CD69: variants seen among roughly 807,000 people sequenced by gnomAD.
The protein encoded by CD69 is early activation antigen CD69.
Under a neutral mutation model 21.4 loss-of-function variants are expected in CD69, and 10 were observed. The observed-to-expected ratio is 0.47, with a 90% CI of 0.29 to 0.79. CD69 has a LOEUF of 0.79. Ranked by LOEUF, CD69 falls within the 30% of genes least tolerant of loss-of-function variation. CD69 has a pLI of 0.09. For missense variants in CD69, 204 were observed against 236.9 expected, an observed-to-expected ratio of 0.86 and a Z score of 0.91; for synonymous variants, 63 against 78.2, an observed-to-expected ratio of 0.81 and a Z score of 1.03.
intron 1 of CD69, among the ~76,000 whole-genome samples, chr12:9,758,579 C>T (rs893911939): frequency 6.6e-6 from 1 of 152,260 alleles, no homozygotes; most frequent in East Asian, 1.9e-4. Flanking sequence ...CATCACAGAT[C>T]GGCACTCAGA....
rs574115251 is a variant in CD69, at chr12:9,757,630, A to G, written c.65-1211T>C. 3.8e-4 allele frequency among the ~76,000 whole-genome samples: 58 copies of G among 152,338 alleles called. No individual in the cohort carries two copies. The South Asian group carries it at 9.1e-3, about 24-fold the overall frequency. On this transcript the variant is annotated intron_variant, in intron 1 of 4. Coordinates refer to ENST00000228434, the MANE Select transcript of CD69 (RefSeq NM_001781.2). ...CAAAATGAAGGAATCTCCAAAAAAA[A>G]TGTTGAGTGAAAAAAAATCCAGCCA...
chr12:9,760,773 C>A lies in CD69; in HGVS notation c.48G>T (p.Pro16=), dbSNP rs763536808. Residue 16 remains proline (P), a synonymous_variant, in exon 1 of 5, where the codon CCG becomes CCT. Transcript: ENST00000228434. ...CTGACTTACTTTCTTGTCCACTCTCCGGATGCAAAGAGCTGTTCTCTGCTA... is the reference window on the plus strand; with the variant it reads ...CTGACTTACTTTCTTGTCCACTCTCAGGATGCAAAGAGCTGTTCTCTGCTA... ...CFVAENSSLH[P]ESGQENDATS... 1.9e-6 allele frequency: 3 copies of A among 1,612,538 alleles called. No individual in the cohort carries two copies. The highest frequency in any genetic ancestry group is 2.5e-6 in the Non-Finnish European group (3 of 1,179,464).
At chr12:9,757,440 C>CAA (rs1866688581) in intron 1 of CD69, among the ~76,000 whole-genome samples, 1 of 152,146 alleles carries the variant, frequency 6.6e-6, no homozygotes, top group African/African-American at 2.4e-5. Flanking sequence ...AATATGTTCT[C>CAA]AAAATGCCTT....
intron 3 of CD69, 169 bp from the exon 4 acceptor site, chr12:9,754,859 A>G (rs1413504080): frequency 5.9e-6 from 4 of 674,892 alleles, no homozygotes; most frequent in Non-Finnish European, 1.0e-5. Context: ...AAGCTAAGCA[A>G]TCAAATCAAA....
At chr12:9,759,120 G>A (rs1866709533) in intron 1 of CD69, among the ~76,000 whole-genome samples, 2 of 152,028 alleles carry the variant, frequency 1.3e-5, no homozygotes, top group Admixed American at 6.6e-5. Context: ...TAGTACAGAC[G>A]GGGTTTCATC....
In CD69 at chr12:9,753,629, A is replaced by T. The variant is rs145916310; in HGVS notation, c.492-40T>A. The T allele has an allele frequency of 5.2e-4, 489 of 943,066 alleles. 5 individuals are homozygous for T. Among genetic ancestry groups the T allele is most frequent in the African/African-American group, 4.4e-3 (264 of 60,324 alleles). The allele number at this position is 943,066 out of a possible 1,614,324, so 58.4% of individuals were successfully genotyped here. ...AAAAACTTAGAATTATTTTCAGCTCATTGTTTTCATTCAGTTACATGAGAA... is the reference window on the plus strand; with the variant it reads ...AAAAACTTAGAATTATTTTCAGCTCTTTGTTTTCATTCAGTTACATGAGAA... On this transcript the variant is annotated intron_variant, in intron 4 of 4. Coordinates refer to ENST00000228434, the MANE Select transcript of CD69 (RefSeq NM_001781.2).
At chr12:9,754,961 G>T in intron 3 of CD69, 101 bp downstream of exon 3, 1 of 947,458 alleles carries the variant, frequency 1.1e-6, no homozygotes, top group Non-Finnish European at 1.6e-6. Flanking sequence ...TAGGTACAAT[G>T]TTTGTTTGTT....
In CD69 at chr12:9,760,821, C is replaced by T; in HGVS notation, c.-1G>A. ...CTACGAAACAATTTTCAGAGCTCAT[C>T]TTTATTCTCAAGATTCCCTAGTTAA... On this transcript the variant is annotated 5_prime_UTR_variant, in exon 1 of 5. Transcript: ENST00000228434. The T allele has an allele frequency of 6.2e-7, 1 of 1,610,758 alleles. No individual in the cohort carries two copies. Among genetic ancestry groups the T allele is most frequent in the South Asian group, 1.1e-5 (1 of 91,058 alleles).
intron 1 of CD69, among the ~76,000 whole-genome samples, chr12:9,760,285 CA>C (rs1866721397): frequency 6.6e-6 from 1 of 151,930 alleles, no homozygotes; most frequent in African/African-American, 2.4e-5. Flanking sequence ...CAAAGGAAGG[CA>C]AACAATGTAA....
intron 1 of CD69, among the ~76,000 whole-genome samples, chr12:9,756,660 A>C (rs1303067565): frequency 6.6e-6 from 1 of 152,182 alleles, no homozygotes; most frequent in Non-Finnish European, 1.5e-5. Context: ...GTGTCTCCCC[A>C]AAATATTTAC....
intron 1 of CD69, among the ~76,000 whole-genome samples, chr12:9,759,544 G>A (rs1267565039): frequency 6.6e-6 from 1 of 151,136 alleles, no homozygotes; most frequent in Non-Finnish European, 1.5e-5. Flanking sequence ...CGTAAGTAAT[G>A]GCTCGCCTGA....
chr12:9,753,978 T>C (rs1866652925), intron 4 of CD69, among the ~76,000 whole-genome samples: 1 of 152,210 alleles, frequency 6.6e-6, no homozygotes, highest in Non-Finnish European at 1.5e-5. Flanking sequence ...TATGGAGCCA[T>C]AGGACAAATA....
chr12:9,758,805 G>A (rs1866703134), intron 1 of CD69, among the ~76,000 whole-genome samples: 1 of 152,188 alleles, frequency 6.6e-6, no homozygotes, highest in Admixed American at 6.5e-5. Flanking sequence ...TCTCCTCAGT[G>A]AGCACTAACA....
At position 9,758,214 on chromosome 12, in the gene CD69, C is replaced by T. The variant is rs181195595; in HGVS notation, c.65-1795G>A. Among the ~76,000 whole-genome samples, 217 of 152,208 alleles carry T rather than the reference C, an allele frequency of 1.4e-3. 1 individual carries two copies. The highest frequency in any genetic ancestry group is 4.9e-4 in the Non-Finnish European group (33 of 67,992). On this transcript the variant is annotated intron_variant, in intron 1 of 4. Coordinates refer to ENST00000228434, the MANE Select transcript of CD69 (RefSeq NM_001781.2). Reference sequence around the variant, plus strand: ...GGAAGGAGAAAAGAGAATTTTGCGACTTAGATTTTGGATTTTAATTTTGCA... The same window carrying T: ...GGAAGGAGAAAAGAGAATTTTGCGATTTAGATTTTGGATTTTAATTTTGCA...
Position 9,755,257 on chromosome 12 carries a change from G to A in CD69, c.192C>T (p.Gly64=). 1 of 1,613,134 alleles carries A rather than the reference G, an allele frequency of 6.2e-7. No homozygotes were observed. Among genetic ancestry groups the A allele is most frequent in the Admixed American group, 1.7e-5 (1 of 60,014 alleles). The change falls in exon 3 of 5, where the codon GGC becomes GGT. Residue 64 remains glycine (G), a synonymous_variant. Coordinates refer to ENST00000228434, the MANE Select transcript of CD69 (RefSeq NM_001781.2). ...TGTATTGGCCTGGACAATTGTATTG[G>A]CCCACTGTGAACAGAAAAATGCTTT... ...LIIALIALSV[G]QYNCPGQYTF...
rs750829148 is a variant in CD69, at chr12:9,760,100, T to C, written c.64+657A>G. The stretch of plus-strand genomic sequence containing the variant: ...AAGAATACCAAAGCAGGAGATTGCA[T>C]TTTCGGGAATTCTTTTGTGACTTTT... On this transcript the variant is annotated intron_variant, in intron 1 of 4. Transcript: ENST00000228434. Among the ~76,000 whole-genome samples the C allele has an allele frequency of 2.6e-5, 4 of 152,114 alleles. No individual in the cohort carries two copies. The East Asian group carries it at 7.7e-4, about 29-fold the overall frequency.
In CD69 at chr12:9,753,609, CTT is replaced by C. The variant is rs1427403728; in HGVS notation, c.492-22_492-21del. 1 of 1,184,894 alleles carries C rather than the reference CTT, an allele frequency of 8.4e-7. No individual in the cohort carries two copies. The highest frequency in any genetic ancestry group is 1.3e-5 in the South Asian group (1 of 75,796). 73.4% of individuals were successfully genotyped at this position (1,184,894 alleles called of 1,614,324 possible). On this transcript the variant is annotated intron_variant, in intron 4 of 4. Coordinates refer to ENST00000228434, the MANE Select transcript of CD69 (RefSeq NM_001781.2). The stretch of plus-strand genomic sequence containing the variant: ...TTGAACCTGTCAAACAATAAAAAAA[CTT>C]AGAATTATTTTCAGCTCATTGTTTT...
intron 1 of CD69, 121 bp from the exon 2 acceptor site, chr12:9,756,540 G>A (rs143817250): frequency 3.8e-4 from 301 of 796,086 alleles, no homozygotes; most frequent in African/African-American, 3.0e-3. Context: ...AAATTTCCCC[G>A]TCTCTTTATA....
chr12:9,756,256 A>G lies in CD69; in HGVS notation c.187+41T>C, dbSNP rs755610590. On this transcript the variant is annotated intron_variant, in intron 2 of 4. Coordinates refer to ENST00000228434, the MANE Select transcript of CD69 (RefSeq NM_001781.2). Reference sequence around the variant, plus strand: ...ATTTCAGCTGGGCATGAATGCTTACAGCTAGGAGGCTTTGAAAGAATTGAT... The same window carrying G: ...ATTTCAGCTGGGCATGAATGCTTACGGCTAGGAGGCTTTGAAAGAATTGAT... The G allele has an allele frequency of 1.2e-5, 19 of 1,578,544 alleles. No individual in the cohort carries two copies. The Admixed American group carries it at 3.2e-4, about 26-fold the overall frequency.
Sources: allele counts gnomAD v4.1 joint callset (sites outside exome capture counted in the v4.1 genomes callset), GRCh38; gene constraint gnomAD v4.1.1; transcripts MANE v1.5; gene names NCBI Gene and HGNC (gene_info 2026-07-23, HGNC 2026-07-21).